Variants in THEMIS observed in about 807,000 individuals in gnomAD.
The protein encoded by THEMIS is protein THEMIS.
In THEMIS, 37 loss-of-function variants were observed where a neutral mutation model predicts 52.6. The observed-to-expected ratio is 0.70, with a 90% CI of 0.54 to 0.93. The LOEUF (loss-of-function observed/expected upper bound fraction) is 0.93, where lower values mean the gene tolerates loss of function less well. Ranked by LOEUF, THEMIS falls within the 40% of genes least tolerant of loss-of-function variation. The probability of loss-of-function intolerance (pLI) is 0.00; values close to 1 mark genes in which losing one functional copy is unlikely to be tolerated. For synonymous variants in THEMIS, 292 were observed against 272.7 expected (o/e 1.07, Z -0.70); for missense variants, 808 against 763.1 (o/e 1.06, Z -0.69).
intron 4 of THEMIS, among the ~76,000 whole-genome samples, chr6:127,732,946 C>T (rs761386256): frequency 2.0e-5 from 3 of 152,172 alleles, no homozygotes; most frequent in Non-Finnish European, 2.9e-5. Flanking sequence ...ACTCTCTACA[C>T]GGGTATGTGA....
the THEMIS span, among the ~76,000 whole-genome samples, chr6:127,703,035 G>GTTTTTTTTTTTTTTTT: frequency 1.6e-4 from 13 of 82,386 alleles, no homozygotes; most frequent in Non-Finnish European, 2.1e-4. Context: ...TTTAGAATGA[G>GTTTTTTTTTTTTTTTT]TTTTTTTTTT....
intron 4 of THEMIS, among the ~76,000 whole-genome samples, chr6:127,732,588 C>T (rs1420170338): frequency 2.0e-5 from 3 of 152,174 alleles, no homozygotes; most frequent in African/African-American, 7.2e-5. Flanking sequence ...AGCCCTCATT[C>T]TGACACCTAG....
intron 4 of THEMIS, among the ~76,000 whole-genome samples, chr6:127,769,098 A>G (rs1282025383): frequency 6.6e-6 from 1 of 152,196 alleles, no homozygotes. Context: ...ACTCTGCAGG[A>G]ATATGAAACA....
chr6:127,802,097 A>G (rs1270187378), intron 4 of THEMIS, among the ~76,000 whole-genome samples: 1 of 152,150 alleles, frequency 6.6e-6, no homozygotes, highest in Non-Finnish European at 1.5e-5. Context: ...TGAAATATAG[A>G]TTAAAAGATG....
intron 4 of THEMIS, among the ~76,000 whole-genome samples, chr6:127,747,134 T>G (rs9401996): frequency 2.3e-5 from 1 of 43,924 alleles, no homozygotes; most frequent in Non-Finnish European, 3.8e-5. Context: ...ATATTATATA[T>G]AATTGTATAT....
chr6:127,795,335 T>G (rs547224872), intron 4 of THEMIS, among the ~76,000 whole-genome samples: 2 of 152,294 alleles, frequency 1.3e-5, no homozygotes, highest in South Asian at 4.1e-4. Context: ...ATTATTATTA[T>G]TATTATTTTT....
chr6:127,721,186 C>T (rs192179793), intron 4 of THEMIS, among the ~76,000 whole-genome samples: 1 of 152,114 alleles, frequency 6.6e-6, no homozygotes, highest in East Asian at 1.9e-4. Context: ...CAAACAACAG[C>T]CAGAGGAGCC....
chr6:127,821,357 G>C (rs1778335247), intron 3 of THEMIS, among the ~76,000 whole-genome samples: 2 of 152,014 alleles, frequency 1.3e-5, no homozygotes, highest in Non-Finnish European at 2.9e-5. Context: ...CTGAGAGCAT[G>C]AGACTGAGAA....
intron 4 of THEMIS, among the ~76,000 whole-genome samples, chr6:127,802,816 T>G (rs1777580717): frequency 6.6e-6 from 1 of 152,202 alleles, no homozygotes; most frequent in South Asian, 2.1e-4. Flanking sequence ...AGGAGACCTC[T>G]AGCCTTTTAC....
chr6:127,789,130 T>C (rs753066460), intron 4 of THEMIS, among the ~76,000 whole-genome samples: 1 of 151,970 alleles, frequency 6.6e-6, no homozygotes, highest in Non-Finnish European at 1.5e-5. Context: ...GATAGACCAC[T>C]AGCCAGACTA....
intron 4 of THEMIS, among the ~76,000 whole-genome samples, chr6:127,742,048 C>T (rs2114281061): frequency 6.6e-6 from 1 of 152,182 alleles, no homozygotes; most frequent in East Asian, 1.9e-4. Flanking sequence ...TGGTGGCTCA[C>T]ACCTGTAATC....
At chr6:127,917,228 T>G (rs1453424955) in intron 1 of THEMIS, among the ~76,000 whole-genome samples, 1 of 152,156 alleles carries the variant, frequency 6.6e-6, no homozygotes, top group Non-Finnish European at 1.5e-5. Context: ...CAACCTGAGA[T>G]GTAGGTGGAA....
intron 4 of THEMIS, among the ~76,000 whole-genome samples, chr6:127,808,374 C>G (rs1002321619): frequency 6.6e-6 from 1 of 152,144 alleles, no homozygotes; most frequent in Admixed American, 6.6e-5. Context: ...AACATACAAA[C>G]CAACCTTCAA....
At position 127,775,144 on chromosome 6, in the gene THEMIS, C is replaced by T. The variant is rs150004600; in HGVS notation, c.1758+37739G>A. Among the ~76,000 whole-genome samples, 521 of 152,248 alleles carry T rather than the reference C, an allele frequency of 3.4e-3. 3 individuals are homozygous for T. The highest frequency in any genetic ancestry group is 0.012 in the African/African-American group (482 of 41,550). The stretch of plus-strand genomic sequence containing the variant: ...TGTTCCCTGGGGTGGTTCTTCTTGA[C>T]GCCTGGCAGCACACCATGAACTCTT... On this transcript the variant is annotated intron_variant, in intron 4 of 5. Coordinates refer to ENST00000368248, the MANE Select transcript of THEMIS (RefSeq NM_001010923.3).
intron 4 of THEMIS, among the ~76,000 whole-genome samples, chr6:127,725,349 C>A (rs1425329377): frequency 2.0e-5 from 3 of 151,862 alleles, no homozygotes; most frequent in African/African-American, 7.3e-5. Context: ...GAATAAAAAT[C>A]GAATCACATC....
chr6:127,894,943 A>G (rs867598436), intron 1 of THEMIS, among the ~76,000 whole-genome samples: 20 of 150,102 alleles, frequency 1.3e-4, no homozygotes, highest in Middle Eastern at 7.0e-3. Flanking sequence ...ATTGTATTTC[A>G]AAAAGTATAT....
chr6:127,911,619 T>C (rs1264077557), intron 1 of THEMIS, among the ~76,000 whole-genome samples: 1 of 151,514 alleles, frequency 6.6e-6, no homozygotes, highest in Non-Finnish European at 1.5e-5. Context: ...ATACTGATAT[T>C]GCCTACTCTA....
In THEMIS at chr6:127,901,017, G is replaced by C; in HGVS notation, c.-85C>G. The C allele has an allele frequency of 9.5e-7, 1 of 1,049,128 alleles. No homozygotes were observed. The highest frequency in any genetic ancestry group is 1.5e-6 in the Non-Finnish European group (1 of 670,694). 65.0% of individuals were successfully genotyped at this position (1,049,128 alleles called of 1,614,324 possible). On this transcript the variant is annotated 5_prime_UTR_variant, in exon 1 of 6. Transcript: ENST00000368248. ...ACACTTGTCTGCAATTGCAGCCCCT[G>C]CTCACCATTTCTTCCTCAGGCAGGC... is the stretch of plus-strand genomic sequence containing the variant.
intron 1 of THEMIS, among the ~76,000 whole-genome samples, chr6:127,873,820 G>A (rs377746962): frequency 1.7e-4 from 26 of 152,192 alleles, no homozygotes; most frequent in East Asian, 5.8e-4. Context: ...ATAAGCTAGC[G>A]AAAAGAAAAT....
Sources: allele counts gnomAD v4.1 joint callset (sites outside exome capture counted in the v4.1 genomes callset), GRCh38; gene constraint gnomAD v4.1.1; transcripts MANE v1.5; gene names NCBI Gene and HGNC (gene_info 2026-07-23, HGNC 2026-07-21).